DLG2: variants seen among roughly 807,000 people sequenced by gnomAD.
DLG2 encodes disks large homolog 2.
DLG2 carries 45 observed loss-of-function variants against 132.5 expected under a neutral mutation model. That is an observed-to-expected ratio of 0.34 (90% CI 0.27 to 0.44). The LOEUF (loss-of-function observed/expected upper bound fraction) is 0.44, where lower values mean the gene tolerates loss of function less well. Ranked by LOEUF, DLG2 falls within the 20% of genes least tolerant of loss-of-function variation. The pLI is 1.00. For missense variants in DLG2, 1,045 were observed against 1,196.9 expected (o/e 0.87, Z 1.87); for synonymous variants, 424 against 419.6 (o/e 1.01, Z -0.13).
At chr11:85,101,380 T>C (rs547424435) in intron 6 of DLG2, among the ~76,000 whole-genome samples, 164 of 152,278 alleles carry the variant, frequency 1.1e-3, no homozygotes, top group African/African-American at 3.5e-3. Context: ...AGTAAAATCA[T>C]AGAATAAGTT....
intron 16 of DLG2, 147 bp from the exon 17 acceptor site, chr11:83,833,917 G>A: frequency 2.5e-6 from 2 of 805,512 alleles, no homozygotes; most frequent in South Asian, 5.5e-5. Context: ...CATCAAGAAA[G>A]AGGCTAATAT....
At chr11:84,391,545 T>C (rs188112108) in intron 7 of DLG2, among the ~76,000 whole-genome samples, 1 of 152,256 alleles carries the variant, frequency 6.6e-6, no homozygotes, top group African/African-American at 2.4e-5. Flanking sequence ...TATTTTACCA[T>C]AACCTAATGA....
At chr11:85,493,651 C>T (rs1433473731) in intron 3 of DLG2, among the ~76,000 whole-genome samples, 1 of 142,758 alleles carries the variant, frequency 7.0e-6, no homozygotes, top group East Asian at 2.0e-4. Context: ...GCCTGGGCAA[C>T]AGAGCAAGAT....
chr11:84,914,913 A>G (rs777815006), intron 6 of DLG2, among the ~76,000 whole-genome samples: 1 of 152,196 alleles, frequency 6.6e-6, no homozygotes, highest in Non-Finnish European at 1.5e-5. Context: ...AACAAACATT[A>G]GTTATTATTA....
intron 9 of DLG2, among the ~76,000 whole-genome samples, chr11:84,112,639 T>G (rs2093425478): frequency 6.6e-6 from 1 of 152,184 alleles, no homozygotes; most frequent in African/African-American, 2.4e-5. Context: ...CAGCCATAAA[T>G]TTGTATTTCT....
intron 3 of DLG2, among the ~76,000 whole-genome samples, chr11:85,332,930 TC>T (rs2081868151): frequency 6.6e-6 from 1 of 152,284 alleles, no homozygotes; most frequent in East Asian, 1.9e-4. Flanking sequence ...CTTTGGCTAT[TC>T]AAACTCTTTT....
intron 6 of DLG2, among the ~76,000 whole-genome samples, chr11:84,547,094 T>G (rs1294380839): frequency 6.6e-6 from 1 of 152,036 alleles, no homozygotes. Flanking sequence ...AGCAACTACC[T>G]CACAAGATTT....
At chr11:85,118,067 T>G (rs2152346585) in intron 5 of DLG2, among the ~76,000 whole-genome samples, 1 of 152,246 alleles carries the variant, frequency 6.6e-6, no homozygotes, top group East Asian at 1.9e-4. Context: ...CATTCAACTT[T>G]GGGCATATTC....
At chr11:83,929,422 CTTGTGGAACGCTGAATTCTA>C (rs2079709766) in intron 15 of DLG2, among the ~76,000 whole-genome samples, 1 of 152,160 alleles carries the variant, frequency 6.6e-6, no homozygotes, top group Non-Finnish European at 1.5e-5. Context: ...TTGGAACTAC[CTTGTGGAACGCTGAATTCTA>C]TTTTTCTTGC....
intron 6 of DLG2, among the ~76,000 whole-genome samples, chr11:84,581,201 A>G (rs2099515524): frequency 6.6e-6 from 1 of 152,200 alleles, no homozygotes; most frequent in Non-Finnish European, 1.5e-5. Context: ...TTTTTCAGTT[A>G]GGAATTTTCC....
intron 6 of DLG2, among the ~76,000 whole-genome samples, chr11:85,104,583 G>C (rs377614956): frequency 6.6e-6 from 1 of 151,928 alleles, no homozygotes; most frequent in East Asian, 1.9e-4. Flanking sequence ...AATGGATGTA[G>C]AGTTTCTTTT....
intron 19 of DLG2, among the ~76,000 whole-genome samples, chr11:83,556,461 C>G (rs983039300): frequency 6.6e-6 from 1 of 152,024 alleles, no homozygotes; most frequent in African/African-American, 2.4e-5. Flanking sequence ...CAACCTCCAC[C>G]TCCCGGGTTC....
intron 11 of DLG2, among the ~76,000 whole-genome samples, chr11:84,044,514 A>C (rs953412614): frequency 2.0e-5 from 3 of 151,550 alleles, no homozygotes. Context: ...TTTGTGCCTG[A>C]GCAATAGCTG....
intron 3 of DLG2, among the ~76,000 whole-genome samples, chr11:85,487,546 A>C (rs2153100407): frequency 6.6e-6 from 1 of 151,984 alleles, no homozygotes; most frequent in Non-Finnish European, 1.5e-5. Context: ...TAAACTCAAA[A>C]GTTTTAAAAA....
At chr11:85,341,677 C>A (rs1167625136) in intron 3 of DLG2, among the ~76,000 whole-genome samples, 1 of 152,038 alleles carries the variant, frequency 6.6e-6, no homozygotes, top group Admixed American at 6.6e-5. Flanking sequence ...ACTTTTAGGA[C>A]AAAAGTACAA....
At chr11:84,011,607 G>A (rs909767164) in intron 11 of DLG2, among the ~76,000 whole-genome samples, 1 of 151,972 alleles carries the variant, frequency 6.6e-6, no homozygotes, top group African/African-American at 2.4e-5. Context: ...TTATAATTCA[G>A]GGTACTTTCT....
At chr11:83,714,013 G>T (rs963130734) in intron 18 of DLG2, among the ~76,000 whole-genome samples, 1 of 152,142 alleles carries the variant, frequency 6.6e-6, no homozygotes, top group African/African-American at 2.4e-5. Flanking sequence ...ACATACTATT[G>T]GGTCAATGTT....
chr11:83,764,401 A>T (rs555336069), intron 18 of DLG2, among the ~76,000 whole-genome samples: 1 of 152,330 alleles, frequency 6.6e-6, no homozygotes, highest in Non-Finnish European at 1.5e-5. Context: ...GATTAAAGCA[A>T]TTTGAATGAG....
At chr11:84,209,744 C>T (rs1344510587) in intron 8 of DLG2, among the ~76,000 whole-genome samples, 1 of 152,104 alleles carries the variant, frequency 6.6e-6, no homozygotes, top group African/African-American at 2.4e-5. Context: ...AGTGGAAACA[C>T]ATGCCAAAAG....
Sources: allele counts gnomAD v4.1 joint callset (sites outside exome capture counted in the v4.1 genomes callset), GRCh38; gene constraint gnomAD v4.1.1; transcripts MANE v1.5; gene names NCBI Gene and HGNC (gene_info 2026-07-23, HGNC 2026-07-21).